IFT25: variants seen among roughly 807,000 people sequenced by gnomAD.
IFT25 encodes the protein intraflagellar transport 25.
At chr1:53,936,791 A>G in the IFT25 span, among the ~76,000 whole-genome samples, 1 of 151,092 alleles carries the variant, frequency 6.6e-6, no homozygotes, top group East Asian at 1.9e-4. Context: ...TTTTTTTCCT[A>G]GTGTAGAACT....
At chr1:53,928,317 C>T in the IFT25 span, 3 of 1,330,252 alleles carry the variant, frequency 2.3e-6, no homozygotes, top group Non-Finnish European at 3.2e-6. Context: ...AATGCAGAAT[C>T]AAAGGAATAT....
At chr1:53,940,137 T>G in the IFT25 span, 2 of 1,007,848 alleles carry the variant, frequency 2.0e-6, no homozygotes, top group African/African-American at 3.2e-5. Context: ...ACTTCTTGAT[T>G]CTCTAAACTT....
chr1:53,945,660 C>G, the IFT25 span: 4 of 152,414 alleles, frequency 2.6e-5, no homozygotes, highest in African/African-American at 9.7e-5. Flanking sequence ...CTGCTCGCCG[C>G]GGCCTCCGTG....
At chr1:53,924,723 G>C in the IFT25 span, among the ~76,000 whole-genome samples, 2 of 152,178 alleles carry the variant, frequency 1.3e-5, no homozygotes, top group African/African-American at 4.8e-5. Flanking sequence ...AGTAGTCCCA[G>C]CTACTCGGGA....
chr1:53,937,484 A>G, the IFT25 span, among the ~76,000 whole-genome samples: 2 of 152,314 alleles, frequency 1.3e-5, no homozygotes, highest in Non-Finnish European at 2.9e-5. Context: ...ATATGGATTA[A>G]AAGTCCCCGA....
the IFT25 span, among the ~76,000 whole-genome samples, chr1:53,936,794 G>A: frequency 2.0e-5 from 3 of 151,440 alleles, no homozygotes; most frequent in African/African-American, 7.3e-5. Context: ...TTTTCCTAGT[G>A]TAGAACTTCT....
the IFT25 span, among the ~76,000 whole-genome samples, chr1:53,914,262 T>C: frequency 2.0e-5 from 3 of 152,212 alleles, no homozygotes; most frequent in East Asian, 5.8e-4. Flanking sequence ...GTTCTCAGCT[T>C]CTTCCTTCAC....
the IFT25 span, chr1:53,917,213 A>G: frequency 1.3e-5 from 2 of 152,462 alleles, no homozygotes; most frequent in African/African-American, 4.8e-5. Context: ...AAGCATATAT[A>G]AGTAGAAATA....
the IFT25 span, chr1:53,923,986 C>A: frequency 1.5e-6 from 2 of 1,307,280 alleles, no homozygotes; most frequent in South Asian, 1.2e-5. Flanking sequence ...AGTTAAGGGT[C>A]AAAATACATG....
At chr1:53,923,750 A>T in the IFT25 span, 3 of 596,136 alleles carry the variant, frequency 5.0e-6, no homozygotes, top group African/African-American at 3.8e-5. Flanking sequence ...CATTTAGCTT[A>T]TATTATTATT....
chr1:53,937,607 G>A, the IFT25 span, among the ~76,000 whole-genome samples: 1 of 152,152 alleles, frequency 6.6e-6, no homozygotes, highest in South Asian at 2.1e-4. Context: ...GATGGACAGA[G>A]CCTAAAATAT....
the IFT25 span, chr1:53,929,801 C>T: frequency 1.5e-5 from 7 of 468,646 alleles, no homozygotes; most frequent in Non-Finnish European, 2.4e-5. Flanking sequence ...GGAAGGGTTT[C>T]GAATTTGCAG....
chr1:53,936,911 T>C, the IFT25 span, among the ~76,000 whole-genome samples: 2 of 152,074 alleles, frequency 1.3e-5, no homozygotes, highest in African/African-American at 4.8e-5. Context: ...CCCAGGCTAG[T>C]CTCAAACTCC....
At chr1:53,944,588 G>A in the IFT25 span, among the ~76,000 whole-genome samples, 1 of 152,234 alleles carries the variant, frequency 6.6e-6, no homozygotes, top group African/African-American at 2.4e-5. Flanking sequence ...GAGGCTCAGT[G>A]AGGCGAGACC....
At chr1:53,934,100 C>A in the IFT25 span, among the ~76,000 whole-genome samples, 1 of 152,104 alleles carries the variant, frequency 6.6e-6, no homozygotes, top group Non-Finnish European at 1.5e-5. Context: ...TTTATCATTT[C>A]CAGTACACTT....
At chr1:53,928,484 T>C in the IFT25 span, 1 of 1,431,020 alleles carries the variant, frequency 7.0e-7, no homozygotes, top group African/African-American at 1.4e-5. Context: ...TCTGGCTGTA[T>C]GTTTTTGTCC....
chr1:53,946,009 C>T, the IFT25 span: 1,529 of 152,478 alleles, frequency 0.01, 14 homozygotes, highest in South Asian at 0.018. Flanking sequence ...GCCCCTCCTA[C>T]CCCTAGCTCT....
At chr1:53,934,694 G>C in the IFT25 span, among the ~76,000 whole-genome samples, 5 of 152,170 alleles carry the variant, frequency 3.3e-5, no homozygotes, top group African/African-American at 4.8e-5. Context: ...TTAACCCTGA[G>C]AACATGTAAG....
chr1:53,915,938 A>C, the IFT25 span, among the ~76,000 whole-genome samples: 1 of 152,224 alleles, frequency 6.6e-6, no homozygotes, highest in Non-Finnish European at 1.5e-5. Context: ...TATTCCCAAC[A>C]CTTTGGGAGG....
Sources: allele counts gnomAD v4.1 joint callset (sites outside exome capture counted in the v4.1 genomes callset), GRCh38; gene constraint gnomAD v4.1.1; transcripts MANE v1.5; gene names NCBI Gene and HGNC (gene_info 2026-07-23, HGNC 2026-07-21).